ATG7: variants seen among roughly 807,000 people sequenced by gnomAD.
The protein encoded by ATG7 is ubiquitin-like modifier-activating enzyme ATG7.
ATG7 carries 70 observed loss-of-function variants against 82.4 expected under a neutral mutation model. The observed-to-expected ratio is 0.85, with a 90% CI of 0.70 to 1.04. The LOEUF is 1.04. Among genes scored for constraint, ATG7 ranks in the 50% least tolerant of loss-of-function variants. The pLI, the probability that ATG7 is intolerant of heterozygous loss-of-function variation, is 0.00. For synonymous variants in ATG7, 287 were observed against 313.0 expected (o/e 0.92, Z 0.88); for missense variants, 792 against 864.3 (o/e 0.92, Z 1.05).
intron 19 of ATG7, among the ~76,000 whole-genome samples, chr3:11,388,910 CAG>C (rs2078541987): frequency 6.6e-6 from 1 of 152,014 alleles, no homozygotes; most frequent in Non-Finnish European, 1.5e-5. Context: ...CTTACACACA[CAG>C]GCTTTATACA....
intron 19 of ATG7, among the ~76,000 whole-genome samples, chr3:11,422,005 C>T (rs1048975109): frequency 9.9e-5 from 15 of 152,090 alleles, no homozygotes; most frequent in South Asian, 6.2e-4. Context: ...TAAACTGTGC[C>T]GTAAACAGAT....
At chr3:11,286,791 A>T (rs1164047325) in intron 3 of ATG7, among the ~76,000 whole-genome samples, 1 of 150,786 alleles carries the variant, frequency 6.6e-6, no homozygotes, top group African/African-American at 2.4e-5. Flanking sequence ...TTTGGTAGAG[A>T]CGGAATGTTG....
intron 16 of ATG7, 86 bp downstream of exon 16, chr3:11,360,870 CTA>C: frequency 7.4e-7 from 1 of 1,349,022 alleles, no homozygotes; most frequent in South Asian, 1.3e-5. Context: ...TCATTTATGA[CTA>C]TTTAAATATT....
At chr3:11,309,210 T>A in intron 7 of ATG7, 149 bp downstream of exon 7, 1 of 813,726 alleles carries the variant, frequency 1.2e-6, no homozygotes, top group Non-Finnish European at 2.1e-6. Flanking sequence ...ATTTGATTAG[T>A]GGCCAGATAG....
At chr3:11,491,909 C>G (rs1233301801) in intron 20 of ATG7, among the ~76,000 whole-genome samples, 2 of 152,184 alleles carry the variant, frequency 1.3e-5, no homozygotes, top group Non-Finnish European at 1.5e-5. Context: ...TTACTGCTGT[C>G]TTTTTGTTTG....
At chr3:11,481,302 G>A (rs915098266) in intron 20 of ATG7, among the ~76,000 whole-genome samples, 1 of 152,166 alleles carries the variant, frequency 6.6e-6, no homozygotes, top group African/African-American at 2.4e-5. Flanking sequence ...AGTTAAAAAT[G>A]GTTATAATTG....
intron 18 of ATG7, among the ~76,000 whole-genome samples, chr3:11,368,579 C>T (rs1233523349): frequency 6.6e-6 from 1 of 151,940 alleles, no homozygotes. Flanking sequence ...ATTGCTTGAG[C>T]CCAGGGGTTC....
chr3:11,497,429 C>A (rs145950152), intron 20 of ATG7, among the ~76,000 whole-genome samples: 35 of 123,854 alleles, frequency 2.8e-4, no homozygotes, highest in African/African-American at 1.1e-3. Flanking sequence ...GTAATACCAG[C>A]TACTCAGGAG....
chr3:11,390,540 A>G (rs2078713361), intron 19 of ATG7, among the ~76,000 whole-genome samples: 1 of 152,210 alleles, frequency 6.6e-6, no homozygotes, highest in African/African-American at 2.4e-5. Context: ...TGCTCCCTGG[A>G]GGAGACTGTA....
At chr3:11,567,276 G>A in the ATG7 span, among the ~76,000 whole-genome samples, 1 of 152,162 alleles carries the variant, frequency 6.6e-6, no homozygotes, top group East Asian at 1.9e-4. Flanking sequence ...TCAGAGCGGC[G>A]CAGTGCAGCC....
the ATG7 span, among the ~76,000 whole-genome samples, chr3:11,565,761 C>T: frequency 1.3e-5 from 2 of 151,990 alleles, no homozygotes; most frequent in African/African-American, 4.8e-5. The surrounding 1 kb of genome is among the most constrained non-coding windows in gnomAD (Gnocchi z 4.1). Flanking sequence ...CCAGGTGAGA[C>T]AGTCAGCACC....
intron 20 of ATG7, among the ~76,000 whole-genome samples, chr3:11,508,969 A>G (rs539626272): frequency 2.0e-5 from 3 of 152,394 alleles, no homozygotes; most frequent in African/African-American, 7.2e-5. Flanking sequence ...GCAAGAGAGC[A>G]TAAGTAGAAG....
intron 20 of ATG7, among the ~76,000 whole-genome samples, chr3:11,502,237 AT>A (rs1243137239): frequency 1.3e-5 from 2 of 151,232 alleles, no homozygotes; most frequent in African/African-American, 4.9e-5. Context: ...TTTTATTATT[AT>A]TATACTTTAA....
intron 20 of ATG7, among the ~76,000 whole-genome samples, chr3:11,452,556 C>T (rs954457952): frequency 1.3e-5 from 2 of 151,914 alleles, no homozygotes; most frequent in Admixed American, 6.6e-5. Flanking sequence ...AAAGTAAAAC[C>T]CATAAAAAGG....
intron 20 of ATG7, among the ~76,000 whole-genome samples, chr3:11,503,872 C>G (rs1466840195): frequency 6.7e-6 from 1 of 149,802 alleles, no homozygotes; most frequent in Admixed American, 6.7e-5. Flanking sequence ...CTTCCAGAAA[C>G]TAAGCAAAAA....
chr3:11,483,037 C>A (rs537801436), intron 20 of ATG7, among the ~76,000 whole-genome samples: 1 of 152,186 alleles, frequency 6.6e-6, no homozygotes, highest in African/African-American at 2.4e-5. Flanking sequence ...TCCACCTATA[C>A]CCACCTCTAA....
Position 11,446,467 on chromosome 3 carries a change from G to A in ATG7, c.2079+19541G>A, listed in dbSNP as rs145413114. On this transcript the variant is annotated intron_variant, in intron 20 of 20. Transcript: ENST00000693202. ...ATTTAGTCCGTAGGGGAAACTTGGC[G>A]TCATCATTCAAAATACTTTATTGTA... The A allele has an allele frequency of 1.3e-3, 546 of 424,692 alleles. 2 individuals carry two copies. Among genetic ancestry groups the A allele is most frequent in the African/African-American group, 9.9e-3 (476 of 48,190 alleles). The allele number at this position is 424,692 out of a possible 1,614,324, so 26.3% of individuals were successfully genotyped here.
intron 20 of ATG7, among the ~76,000 whole-genome samples, chr3:11,442,942 A>G (rs1391033924): frequency 6.6e-6 from 1 of 152,022 alleles, no homozygotes; most frequent in Non-Finnish European, 1.5e-5. Context: ...AAACAAAAGG[A>G]AAAACAACTA....
chr3:11,279,189 T>C (rs1380961886), intron 1 of ATG7, among the ~76,000 whole-genome samples: 1 of 152,184 alleles, frequency 6.6e-6, no homozygotes, highest in African/African-American at 2.4e-5. Flanking sequence ...GCTGTTTTAT[T>C]TTGCTTTGTT....
Sources: allele counts gnomAD v4.1 joint callset (sites outside exome capture counted in the v4.1 genomes callset), GRCh38; gene constraint gnomAD v4.1.1; non-coding constraint Gnocchi (gnomAD v3.1); transcripts MANE v1.5; gene names NCBI Gene and HGNC (gene_info 2026-07-23, HGNC 2026-07-21).